LZTS3: variants seen among roughly 807,000 people sequenced by gnomAD.
The protein encoded by LZTS3 is leucine zipper tumor suppressor family member 3.
Under a neutral mutation model 50.9 loss-of-function variants are expected in LZTS3, and 16 were observed. The ratio of observed to expected loss-of-function variants is 0.31; its 90% CI spans 0.21 to 0.48. The LOEUF (loss-of-function observed/expected upper bound fraction) is 0.48. Ranked by LOEUF, LZTS3 falls within the 20% of genes least tolerant of loss-of-function variation. The pLI, the probability that LZTS3 is intolerant of heterozygous loss-of-function variation, is 0.99. For synonymous variants in LZTS3, 408 were observed against 410.6 expected (o/e 0.99, Z 0.08); for missense variants, 816 against 931.0 (o/e 0.88, Z 1.61).
rs780874818 is a variant in LZTS3 at position 3,164,706 on chromosome 20, G to T, written c.1770C>A (p.Ala590=). ...CGAAGCTGGCACCCTGGCGCTCCCG[G>T]GCCCGCCGCTCAGCCGCCAGCTCGG... ...LQAELAAERR[A]RERQGASFAE... Residue 590 remains alanine (A), a synonymous_variant, in exon 5 of 5, where the codon GCC becomes GCA. Transcript: ENST00000337576. The T allele has an allele frequency of 6.4e-7, 1 of 1,570,360 alleles. No individual in the cohort carries two copies.
At chr20:3,167,503 T>C (rs756771656) in intron 2 of LZTS3, 88 of 1,086,756 alleles carry the variant, frequency 8.1e-5, no homozygotes, top group Non-Finnish European at 9.2e-5. Context: ...ACCTCCGCCA[T>C]GAGCTTCCCA....
rs2066794344 is a variant in LZTS3, at chr20:3,165,319, T to C, written c.1324-167A>G. 2.6e-5 allele frequency among the ~76,000 whole-genome samples: 4 copies of C among 152,070 alleles called. No individual in the cohort carries two copies. The highest frequency in any genetic ancestry group is 2.6e-4 in the Admixed American group (4 of 15,284). On this transcript the variant is annotated intron_variant, in intron 4 of 4. Transcript: ENST00000337576. This position sits in a 1 kb window ranked among gnomAD's most constrained non-coding sequence, Gnocchi z 5.0. ...TCCCTGCCTGGACTCAAGATGGACA[T>C]GTCTCACCCAGCGGATGGCCTCGGG...
chr20:3,167,209 T>G, intron 2 of LZTS3, 28 bp from the exon 3 acceptor site: 1 of 1,436,434 alleles, frequency 7.0e-7, no homozygotes, highest in Non-Finnish European at 9.1e-7. Flanking sequence ...AAGGCAGAGA[T>G]AGGTAAGACC....
chr20:3,167,067 G>T lies in LZTS3; in HGVS notation c.97C>A (p.Pro33Thr), dbSNP rs1315645948. 9 of 1,553,818 alleles carry T rather than the reference G, an allele frequency of 5.8e-6. No individual in the cohort carries two copies. Among genetic ancestry groups the T allele is most frequent in the Admixed American group, 5.4e-5 (3 of 55,866 alleles). Residue 33 changes from proline to threonine, a missense_variant, in exon 3 of 5, where the codon CCC becomes ACC. Coordinates refer to ENST00000337576, the MANE Select transcript of LZTS3 (RefSeq NM_001365618.1). The stretch of plus-strand genomic sequence containing the variant: ...CCCACGCTGCCCATGGCCAGGCGGG[G>T]GTCCGGGGGTCCAAGCTCGGAGGGC... Reference protein sequence around the residue: ...PRPSELGPPDPRLAMGSVGSG... With the variant: ...PRPSELGPPDTRLAMGSVGSG...
At chr20:3,166,479 T>G in intron 3 of LZTS3, 119 bp from the exon 4 acceptor site, 1 of 1,313,846 alleles carries the variant, frequency 7.6e-7, no homozygotes, top group Non-Finnish European at 1.0e-6. Flanking sequence ...ATTTCCACCC[T>G]GAGGTTCCCC....
At position 3,164,146 on chromosome 20, in the gene LZTS3, G is replaced by GCTGCCT. The variant is rs2066768772; in HGVS notation, c.*302_*307dup. 6.1e-6 allele frequency: 2 copies of GCTGCCT among 329,362 alleles called. No homozygotes were observed. The highest frequency in any genetic ancestry group is 4.3e-5 in the African/African-American group (2 of 46,550). The allele number at this position is 329,362 out of a possible 1,614,324, so 20.4% of individuals were successfully genotyped here. On this transcript the variant is annotated 3_prime_UTR_variant, in exon 5 of 5. Coordinates refer to ENST00000337576, the MANE Select transcript of LZTS3 (RefSeq NM_001365618.1). ...GGGCACCTTATGGCACTGCACGTCT[G>GCTGCCT]CTGCCTCCATCTCCAACAAGGGGGT...
chr20:3,164,595 G>A lies in LZTS3; in HGVS notation c.1881C>T (p.Tyr627=). 3 of 1,612,172 alleles carry A rather than the reference G, an allele frequency of 1.9e-6. No individual in the cohort carries two copies. The highest frequency in any genetic ancestry group is 2.2e-5 in the South Asian group (2 of 90,698). Residue 627 remains tyrosine, a synonymous_variant, in exon 5 of 5, where the codon TAC becomes TAT. Coordinates refer to ENST00000337576, the MANE Select transcript of LZTS3 (RefSeq NM_001365618.1). ...KQLQLSYVEM[Y]QRNQQLERRL... ...TGCGCTCCAGCTGCTGGTTGCGCTG[G>A]TACATCTCCACGTAGCTCAGCTGCA...
chr20:3,164,794 T>A lies in LZTS3; in HGVS notation c.1682A>T (p.Glu561Val). 1 of 1,532,268 alleles carries A rather than the reference T, an allele frequency of 6.5e-7. No individual in the cohort carries two copies. The highest frequency in any genetic ancestry group is 1.2e-5 in the South Asian group (1 of 82,660). The allele number at this position is 1,532,268 out of a possible 1,614,324, so 94.9% of individuals were successfully genotyped here. The change falls in exon 5 of 5, where the codon GAG becomes GTG. Residue 561 changes from glutamate (E) to valine (V), a missense_variant. Glu to Val is a moderately radical substitution (Grantham distance 121, BLOSUM62 -2). This residue lies in a region of LZTS3 where 700 missense variants were observed against 769.4 expected (regional missense o/e 0.91). Transcript: ENST00000337576. ...CCCGCTCTCCCCGCCAGCCTCCGCC[T>A]CCCCGTCCACGGAAACCAAGGAGGC... is the stretch of plus-strand genomic sequence containing the variant. Reference protein sequence around the residue: ...AAASLVSVDGEAEAGGESGTR... With the variant: ...AAASLVSVDGVAEAGGESGTR...
In LZTS3 at chr20:3,165,761, C is replaced by T. The variant is rs772218244; in HGVS notation, c.1059G>A (p.Leu353=). 5.7e-6 allele frequency: 9 copies of T among 1,579,152 alleles called. No individual in the cohort carries two copies. The East Asian group carries it at 2.1e-4, about 36-fold the overall frequency. Residue 353 remains leucine, a synonymous_variant, in exon 4 of 5, where the codon CTG becomes CTA. Coordinates refer to ENST00000337576, the MANE Select transcript of LZTS3 (RefSeq NM_001365618.1). This position sits in a 1 kb window ranked among gnomAD's most constrained non-coding sequence, Gnocchi z 5.0. ...EQSEAAVAQV[L]EERQKAWERE... ...GCTCCCACGCCTTCTGCCGCTCCTC[C>T]AGTACCTGGGCCACAGCCGCCTCGC...
intron 1 of LZTS3, among the ~76,000 whole-genome samples, chr20:3,171,791 T>A (rs1416964020): frequency 6.6e-6 from 1 of 152,098 alleles, no homozygotes; most frequent in Non-Finnish European, 1.5e-5. Flanking sequence ...CTGAGCATGG[T>A]CTGCAAAGGC....
chr20:3,167,534 T>C, intron 2 of LZTS3: 1 of 1,044,578 alleles, frequency 9.6e-7, no homozygotes, highest in Non-Finnish European at 1.1e-6. Context: ...CCCTCTCAAC[T>C]CTTTGCTGCA....
intron 2 of LZTS3, 119 bp from the exon 3 acceptor site, chr20:3,167,300 A>G: frequency 5.8e-6 from 8 of 1,387,550 alleles, no homozygotes; most frequent in Non-Finnish European, 7.5e-6. Context: ...CAATGGGTAC[A>G]AAAAGTTCCC....
At position 3,167,899 on chromosome 20, in the gene LZTS3, C is replaced by A; in HGVS notation, c.-180G>T. ...CCTCACTCTCGCAGTCGGGGCTCGG[C>A]CCGAACCAGCTGCGCGACTTTGGAG... On this transcript the variant is annotated 5_prime_UTR_variant, in exon 2 of 5. Coordinates refer to ENST00000337576, the MANE Select transcript of LZTS3 (RefSeq NM_001365618.1). 1 of 980,700 alleles carries A rather than the reference C, an allele frequency of 1.0e-6. No homozygotes were observed. Among genetic ancestry groups the A allele is most frequent in the Non-Finnish European group, 1.2e-6 (1 of 825,582 alleles). The allele number at this position is 980,700 out of a possible 1,614,324, so 60.7% of individuals were successfully genotyped here. A position where few individuals can be genotyped will look rare whatever the true frequency, so the allele number is the denominator to read the frequency against.
Position 3,165,016 on chromosome 20 carries a change from T to C in LZTS3, c.1460A>G (p.Lys487Arg). The C allele has an allele frequency of 6.4e-7, 1 of 1,559,682 alleles. No homozygotes were observed. The highest frequency in any genetic ancestry group is 8.7e-7 in the Non-Finnish European group (1 of 1,153,934). Reference sequence around the variant, plus strand: ...CCGCAGGCTGAGCAGCTGCTCCTCCTTCTCCCGCAGCGAAGCCCGGCCCTC... The same window carrying C: ...CCGCAGGCTGAGCAGCTGCTCCTCCCTCTCCCGCAGCGAAGCCCGGCCCTC... ...LREGRASLRE[K>R]EEQLLSLRDS... is the part of the protein sequence containing the mutation. The change falls in exon 5 of 5, where the codon AAG becomes AGG. Residue 487 changes from lysine to arginine, a missense_variant. By Grantham distance (26) the Lys-to-Arg change is conservative. Coordinates refer to ENST00000337576, the MANE Select transcript of LZTS3 (RefSeq NM_001365618.1). The surrounding 1 kb of genome is among the most constrained non-coding windows in gnomAD (Gnocchi z 5.0).
At position 3,164,483 on chromosome 20, in the gene LZTS3, G is replaced by A. The variant is rs771755055; in HGVS notation, c.1993C>T (p.Leu665Phe). 9 of 1,564,046 alleles carry A rather than the reference G, an allele frequency of 5.8e-6. No homozygotes were observed. In the Admixed American group the frequency reaches 1.5e-4, roughly 25 times the overall value. Residue 665 changes from leucine to phenylalanine, a missense_variant, in exon 5 of 5, where the codon CTC becomes TTC. Leu to Phe is a conservative substitution (Grantham distance 22). Around this residue, in one of 3 missense-constraint regions of LZTS3, gnomAD observed 107 missense variants for 130.4 expected, o/e 0.82. Transcript: ENST00000337576. Reference protein sequence around the residue: ...EEKKAWTPSRLERIESTEI With the variant: ...EEKKAWTPSRFERIESTEI The stretch of plus-strand genomic sequence containing the variant: ...ATTTCTGTGGACTCAATGCGCTCGA[G>A]GCGGGAGGGGGTCCAGGCCTTCTTC...
rs763090098 is a variant in LZTS3 at position 3,167,089 on chromosome 20, G to A, written c.75C>T (p.Pro25=). 3 of 1,538,280 alleles carry A rather than the reference G, an allele frequency of 2.0e-6. No individual in the cohort carries two copies. The highest frequency in any genetic ancestry group is 1.2e-5 in the South Asian group (1 of 81,386). The change falls in exon 3 of 5, where the codon CCC becomes CCT. Residue 25 remains proline (P), a synonymous_variant. Coordinates refer to ENST00000337576, the MANE Select transcript of LZTS3 (RefSeq NM_001365618.1). ...GGGGGTCCGGGGGTCCAAGCTCGGA[G>A]GGCCGTGGGGCAAAGGCCAGGAGAG... The part of the protein sequence containing the change: ...RDPLLAFAPR[P]SELGPPDPRL...
Position 3,166,201 on chromosome 20 carries a change from T to C in LZTS3, c.619A>G (p.Thr207Ala). The part of the protein sequence containing the change: ...KGGLDKSRTM[T>A]PAGGSGSGLS... The stretch of plus-strand genomic sequence containing the variant: ...CCACTCCCACTCCCACCCGCTGGAG[T>C]CATGGTCCGAGACTTGTCCAGTCCG... The change falls in exon 4 of 5, where the codon ACT (threonine) becomes GCT (alanine). Residue 207 changes from threonine to alanine, a missense_variant. This residue lies in a region of LZTS3 where 700 missense variants were observed against 769.4 expected (regional missense o/e 0.91). Coordinates refer to ENST00000337576, the MANE Select transcript of LZTS3 (RefSeq NM_001365618.1). The C allele has an allele frequency of 6.2e-7, 1 of 1,613,366 alleles. No individual in the cohort carries two copies. Among genetic ancestry groups the C allele is most frequent in the East Asian group, 2.2e-5 (1 of 44,788 alleles).
chr20:3,166,019 C>T lies in LZTS3; in HGVS notation c.801G>A (p.Gly267=). The change falls in exon 4 of 5, where the codon GGG becomes GGA. Residue 267 remains glycine, a synonymous_variant. Coordinates refer to ENST00000337576, the MANE Select transcript of LZTS3 (RefSeq NM_001365618.1). ...AGGTCCCCAGGTCCTGGTAGCCCGA[C>T]CCCCCACCGCTGCTGCCGCCACTAC... ...GSGSGGSSGG[G]SGYQDLGTSD... 14 of 1,612,466 alleles carry T rather than the reference C, an allele frequency of 8.7e-6. No individual in the cohort carries two copies. The highest frequency in any genetic ancestry group is 1.0e-5 in the Non-Finnish European group (12 of 1,179,376).
At chr20:3,169,466 G>A (rs1568492749) in intron 1 of LZTS3, among the ~76,000 whole-genome samples, 1 of 152,280 alleles carries the variant, frequency 6.6e-6, no homozygotes, top group East Asian at 1.9e-4. Flanking sequence ...CAGGTGGTGG[G>A]GACAAGGGAT....
Sources: gnomAD v4.1 joint callset for allele counts (sites outside exome capture counted in the v4.1 genomes callset) on GRCh38, gnomAD v4.1.1 for gene constraint, gnomAD v4.1.1 regional missense constraint, Gnocchi (gnomAD v3.1) non-coding constraint, MANE v1.5 for transcripts, NCBI Gene and HGNC (gene_info 2026-07-23, HGNC 2026-07-21) for gene names.